ZNF862: variants seen among roughly 807,000 people sequenced by gnomAD.
ZNF862 encodes the protein zinc finger protein 862.
In ZNF862, 64 loss-of-function variants were observed where a neutral mutation model predicts 91.1. That is an observed-to-expected ratio of 0.70 (90% CI 0.57 to 0.87). The LOEUF (loss-of-function observed/expected upper bound fraction) is 0.87, where lower values mean the gene tolerates loss of function less well. Ranked by LOEUF, ZNF862 falls within the 40% of genes least tolerant of loss-of-function variation. The probability of loss-of-function intolerance (pLI) is 0.00; values close to 1 mark genes in which losing one functional copy is unlikely to be tolerated. For missense variants in ZNF862, 1,459 were observed against 1,528.0 expected (o/e 0.95, Z 0.75); for synonymous variants, 631 against 618.1 (o/e 1.02, Z -0.31).
rs1287203155 is a variant in ZNF862 at position 149,866,189 on chromosome 7, C to T, written c.*1905C>T. 6.6e-6 allele frequency: 1 copy of T among 152,234 alleles called. No individual in the cohort carries two copies. The highest frequency in any genetic ancestry group is 1.5e-5 in the Non-Finnish European group (1 of 68,070). The allele number at this position is 152,234 out of a possible 1,614,324, so 9.4% of individuals were successfully genotyped here. On this transcript the variant is annotated 3_prime_UTR_variant, in exon 8 of 8. Coordinates refer to ENST00000223210, the MANE Select transcript of ZNF862 (RefSeq NM_001099220.3). ...TGCCTTTGACCTGTGGAAATGTCTC[C>T]CAGCCCTGTGGGTCTGGCGGTCAGA...
At chr7:149,853,873 G>A (rs981408185) in intron 5 of ZNF862, among the ~76,000 whole-genome samples, 2 of 151,598 alleles carry the variant, frequency 1.3e-5, no homozygotes, top group Admixed American at 1.3e-4. Context: ...GGGAGGTGGA[G>A]GTTGCAGTGA....
In ZNF862 at chr7:149,838,440, A is replaced by G. The variant is rs956145697; in HGVS notation, c.-172A>G. ...AGCTCAGCGCGCTTATCCTGGGTCC[A>G]CCGGCGCTACCGCCCCCCGACGTGA... On this transcript the variant is annotated 5_prime_UTR_variant, in exon 1 of 8. Transcript: ENST00000223210. 4.8e-6 allele frequency: 2 copies of G among 413,126 alleles called. No individual in the cohort carries two copies. Among genetic ancestry groups the G allele is most frequent in the Non-Finnish European group, 8.3e-6 (2 of 240,306 alleles). 25.6% of individuals were successfully genotyped at this position (413,126 alleles called of 1,614,324 possible).
In ZNF862 at chr7:149,860,538, T is replaced by C; in HGVS notation, c.1378T>C (p.Tyr460His). ...TGGACCTAGGAGAATCAAGAGGACA[T>C]ACAGGCCCCGTTCCATTCAGAGGTC... ...GDGPRRIKRT[Y>H]RPRSIQRSWF... Residue 460 changes from tyrosine to histidine, a missense_variant, in exon 7 of 8, where the codon TAC (tyrosine) becomes CAC (histidine). By Grantham distance (83) the Tyr-to-His change is moderately conservative (BLOSUM62 2). Transcript: ENST00000223210. 1.9e-6 allele frequency: 3 copies of C among 1,613,968 alleles called. No homozygotes were observed. Among genetic ancestry groups the C allele is most frequent in the South Asian group, 2.2e-5 (2 of 91,086 alleles).
At chr7:149,842,117 CT>C (rs1490635419) in intron 1 of ZNF862, among the ~76,000 whole-genome samples, 1 of 152,072 alleles carries the variant, frequency 6.6e-6, no homozygotes, top group African/African-American at 2.4e-5. Flanking sequence ...TTAGGAAATC[CT>C]TCCTGAAAGA....
Position 149,860,822 on chromosome 7 carries a change from C to A in ZNF862, c.1662C>A (p.Asn554Lys), listed in dbSNP as rs565753235. The change falls in exon 7 of 8, where the codon AAC becomes AAA. Residue 554 changes from asparagine to lysine, a missense_variant. By Grantham distance (94) the Asn-to-Lys change is moderately conservative (BLOSUM62 0). Coordinates refer to ENST00000223210, the MANE Select transcript of ZNF862 (RefSeq NM_001099220.3). ...AGATCTCCAGCGACCTCATGGCCAACATGGAGCACTTTTTCAATGCCGCCT... is the reference window on the plus strand; with the variant it reads ...AGATCTCCAGCGACCTCATGGCCAAAATGGAGCACTTTTTCAATGCCGCCT... ...VPEISSDLMA[N>K]MEHFFNAAYS... is the part of the protein sequence containing the mutation. 77 of 1,613,708 alleles carry A rather than the reference C, an allele frequency of 4.8e-5. No individual in the cohort carries two copies. The highest frequency in any genetic ancestry group is 6.1e-5 in the Non-Finnish European group (72 of 1,179,898).
intron 1 of ZNF862, among the ~76,000 whole-genome samples, chr7:149,841,980 G>A (rs368123773): frequency 2.0e-5 from 3 of 152,306 alleles, no homozygotes; most frequent in African/African-American, 7.2e-5. Context: ...CATGGTTGTG[G>A]GGGGAAGGGT....
intron 7 of ZNF862, among the ~76,000 whole-genome samples, chr7:149,862,884 T>C (rs1802568245): frequency 6.6e-6 from 1 of 152,204 alleles, no homozygotes; most frequent in Non-Finnish European, 1.5e-5. Context: ...CAAATGGTAC[T>C]AGTTAAAGGT....
Position 149,852,341 on chromosome 7 carries a change from G to GTGTGTA in ZNF862, c.1117+2008_1117+2009insATGTGT, listed in dbSNP as rs1802092331. On this transcript the variant is annotated intron_variant, in intron 5 of 7. Transcript: ENST00000223210. ...CTTCTTGGGGTGAACTCAGTTTTGT[G>GTGTGTA]TGTGTGTGTGTGTGTGTGTGTGTGT... 8.5e-5 allele frequency among the ~76,000 whole-genome samples: 11 copies of GTGTGTA among 129,386 alleles called. No homozygotes were observed. In the South Asian group the frequency reaches 3.1e-3, roughly 36 times the overall value. 84.9% of individuals were successfully genotyped at this position (129,386 alleles called of 152,430 possible). A position where few individuals can be genotyped will look rare whatever the true frequency, so the allele number is the denominator to read the frequency against.
rs937686608 is a variant in ZNF862, at chr7:149,841,068, G to C, written c.24+2433G>C. 3 of 985,226 alleles carry C rather than the reference G, an allele frequency of 3.0e-6. No homozygotes were observed. The African/African-American group carries it at 5.2e-5, about 17-fold the overall frequency. The allele number at this position is 985,226 out of a possible 1,614,324, so 61.0% of individuals were successfully genotyped here. Reference sequence around the variant, plus strand: ...GTGCTCACCCTTCCCAAAGATAGTTGTTTTCTAATATGGGAAATGAGAACT... The same window carrying C: ...GTGCTCACCCTTCCCAAAGATAGTTCTTTTCTAATATGGGAAATGAGAACT... On this transcript the variant is annotated intron_variant, in intron 1 of 7. Coordinates refer to ENST00000223210, the MANE Select transcript of ZNF862 (RefSeq NM_001099220.3).
intron 1 of ZNF862, among the ~76,000 whole-genome samples, chr7:149,840,056 G>A (rs1404290076): frequency 2.0e-5 from 3 of 151,864 alleles, no homozygotes; most frequent in African/African-American, 7.3e-5. Flanking sequence ...CCGCTCTCAC[G>A]TACAATCCCC....
chr7:149,840,187 T>TAAAAAAAAAAAAAAAAAAAAAAAAA (rs60721842), intron 1 of ZNF862, among the ~76,000 whole-genome samples: 1 of 41,250 alleles, frequency 2.4e-5, no homozygotes, highest in Non-Finnish European at 4.5e-5. Context: ...GCTTAAAAAG[T>TAAAAAAAAAAAAAAAAAAAAAAAAA]AAAAAAAAAA....
At chr7:149,860,356 C>A (rs1196394861) in intron 6 of ZNF862, 27 bp from the exon 7 acceptor site, 3 of 1,585,392 alleles carry the variant, frequency 1.9e-6, no homozygotes, top group African/African-American at 2.7e-5. Context: ...GGTAGCAGAA[C>A]CAAGCATGAT....
At position 149,867,409 on chromosome 7, in the gene ZNF862, G is replaced by C. The variant is rs1215720800; in HGVS notation, c.*3125G>C. The C allele has an allele frequency of 6.6e-6, 1 of 152,206 alleles. No homozygotes were observed. Among genetic ancestry groups the C allele is most frequent in the Non-Finnish European group, 1.5e-5 (1 of 68,054 alleles). 9.4% of individuals were successfully genotyped at this position (152,206 alleles called of 1,614,324 possible). ...CTCTCCTCTATTTTCAAAGATGAAAGGAGGTTTTAAAAACCATGTTTGATT... is the reference window on the plus strand; with the variant it reads ...CTCTCCTCTATTTTCAAAGATGAAACGAGGTTTTAAAAACCATGTTTGATT... On this transcript the variant is annotated 3_prime_UTR_variant, in exon 8 of 8. Transcript: ENST00000223210.
chr7:149,866,122 G>A lies in ZNF862; in HGVS notation c.*1838G>A, dbSNP rs73168078. On this transcript the variant is annotated 3_prime_UTR_variant, in exon 8 of 8. Transcript: ENST00000223210. ...ACTTAGCCTTAGCACTGTTGCTTTC[G>A]TGTCATTTTCAGTTCTAGTCAGGAA... The A allele has an allele frequency of 0.072, 11,024 of 152,150 alleles. 556 individuals carry two copies. Among genetic ancestry groups the A allele is most frequent in the Non-Finnish European group, 0.11 (7,503 of 68,020 alleles). The allele number at this position is 152,150 out of a possible 1,614,324, so 9.4% of individuals were successfully genotyped here.
intron 5 of ZNF862, chr7:149,851,513 C>T (rs1802068085): frequency 6.6e-6 from 1 of 152,202 alleles, no homozygotes; most frequent in South Asian, 2.1e-4. Context: ...AAATTCACAC[C>T]TGTCTTAAAA....
rs765763911 is a variant in ZNF862, at chr7:149,848,226, C to T, written c.733C>T (p.Pro245Ser). ...FTADCPIFYP[P>S]GPLGGFDSMA... Reference sequence around the variant, plus strand: ...TGCAGATTGCCCCATATTCTACCCCCCAGGGCCTCTGGGAGGATTTGATAG... The same window carrying T: ...TGCAGATTGCCCCATATTCTACCCCTCAGGGCCTCTGGGAGGATTTGATAG... Residue 245 changes from proline (P) to serine (S), a missense_variant, in exon 4 of 8, where the codon CCA (proline) becomes TCA (serine). Coordinates refer to ENST00000223210, the MANE Select transcript of ZNF862 (RefSeq NM_001099220.3). 2 of 1,613,810 alleles carry T rather than the reference C, an allele frequency of 1.2e-6. No homozygotes were observed. Among genetic ancestry groups the T allele is most frequent in the South Asian group, 1.1e-5 (1 of 91,018 alleles).
In ZNF862 at chr7:149,850,393, CA is replaced by C; in HGVS notation, c.1117+57del. 2 of 1,544,826 alleles carry C rather than the reference CA, an allele frequency of 1.3e-6. No homozygotes were observed. The highest frequency in any genetic ancestry group is 2.5e-5 in the South Asian group (2 of 81,068). ...ACCCTCCTTTGACTTGGGAAGCCCA[CA>C]AGGGGAGCTGTGGCTTGTGGTTATC... is the stretch of plus-strand genomic sequence containing the variant. On this transcript the variant is annotated intron_variant, in intron 5 of 7. Transcript: ENST00000223210. The surrounding 1 kb of genome is among the most constrained non-coding windows in gnomAD (Gnocchi z 4.2).
rs993957714 is a variant in ZNF862, at chr7:149,850,218, G to A, written c.997G>A (p.Val333Met). ...EVPVVFEELP[V>M]VFEDVAVYFT... is the part of the protein sequence containing the mutation. ...TCCTGTGGTGTTTGAGGAGCTGCCG[G>A]TGGTGTTCGAGGATGTGGCAGTGTA... The change falls in exon 5 of 8, where the codon GTG becomes ATG. Residue 333 changes from valine to methionine, a missense_variant. Physicochemically the swap from Val to Met is conservative, Grantham distance 21 (BLOSUM62 1). Transcript: ENST00000223210. This position sits in a 1 kb window ranked among gnomAD's most constrained non-coding sequence, Gnocchi z 4.2. The A allele has an allele frequency of 1.2e-6, 2 of 1,606,454 alleles. No homozygotes were observed. The highest frequency in any genetic ancestry group is 1.7e-6 in the Non-Finnish European group (2 of 1,176,372).
At chr7:149,843,458 G>A (rs989744037) in intron 1 of ZNF862, among the ~76,000 whole-genome samples, 1 of 151,996 alleles carries the variant, frequency 6.6e-6, no homozygotes, top group African/African-American at 2.4e-5. Context: ...ACTTTGTTGC[G>A]TGGCTGTGGT....
Sources: allele counts gnomAD v4.1 joint callset (sites outside exome capture counted in the v4.1 genomes callset), GRCh38; gene constraint gnomAD v4.1.1; non-coding constraint Gnocchi (gnomAD v3.1); transcripts MANE v1.5; gene names NCBI Gene and HGNC (gene_info 2026-07-23, HGNC 2026-07-21).